Variants in SSRP1 observed in about 807,000 individuals in gnomAD.
The protein encoded by SSRP1 is FACT complex subunit SSRP1.
A neutral mutation model predicts 84.4 loss-of-function variants in SSRP1; 21 were observed. The observed-to-expected ratio is 0.25, with a 90% CI of 0.18 to 0.36. The LOEUF is 0.36. Among genes scored for constraint, SSRP1 ranks in the 10% least tolerant of loss-of-function variants. The pLI, the probability that SSRP1 is intolerant of heterozygous loss-of-function variation, is 1.00. For synonymous variants in SSRP1, 319 were observed against 318.3 expected (o/e 1.00, Z -0.02); for missense variants, 519 against 900.8 (o/e 0.58, Z 5.43).
rs1159982404 is a variant in SSRP1 at position 57,332,108 on chromosome 11, T to G, written c.1001+44A>C. The G allele has an allele frequency of 1.2e-6, 2 of 1,611,558 alleles. No homozygotes were observed. Among genetic ancestry groups the G allele is most frequent in the South Asian group, 2.2e-5 (2 of 90,924 alleles). ...AGGGTTTACCAAGGAGACACGGCAT[T>G]TCCCATACCCAGGCAGGGCAGGATC... On this transcript the variant is annotated intron_variant, in intron 8 of 16. Transcript: ENST00000278412. This position sits in a 1 kb window ranked among gnomAD's most constrained non-coding sequence, Gnocchi z 5.5.
chr11:57,330,507 T>C lies in SSRP1; in HGVS notation c.1297-78A>G. The C allele has an allele frequency of 1.9e-6, 3 of 1,580,594 alleles. No homozygotes were observed. The highest frequency in any genetic ancestry group is 2.6e-6 in the Non-Finnish European group (3 of 1,165,640). Reference sequence around the variant, plus strand: ...CTGCACACTCAAAAGCACACCCCCATGCCTGTCAAGTCAGAGCAGCAGCTC... The same window carrying C: ...CTGCACACTCAAAAGCACACCCCCACGCCTGTCAAGTCAGAGCAGCAGCTC... On this transcript the variant is annotated intron_variant, in intron 10 of 16. Transcript: ENST00000278412. The surrounding 1 kb of genome is among the most constrained non-coding windows in gnomAD (Gnocchi z 4.0).
rs150612000 is a variant in SSRP1, at chr11:57,326,790, G to A, written c.1971C>T (p.Ser657=). 1.9e-5 allele frequency: 30 copies of A among 1,614,110 alleles called. No homozygotes were observed. The highest frequency in any genetic ancestry group is 1.7e-4 in the Admixed American group (10 of 60,006). ...SSSKSSSRQL[S]ESFKSKEFVS... is the part of the protein sequence containing the mutation. ...CAAACTCTTTGCTCTTGAAGCTCTCGCTTAGCTGCCTTGAGGACGACTTGG... is the reference window on the plus strand; with the variant it reads ...CAAACTCTTTGCTCTTGAAGCTCTCACTTAGCTGCCTTGAGGACGACTTGG... Residue 657 remains serine (S), a synonymous_variant, in exon 16 of 17, where the codon AGC becomes AGT. Coordinates refer to ENST00000278412, the MANE Select transcript of SSRP1 (RefSeq NM_003146.3).
rs1856109784 is a variant in SSRP1 at position 57,332,347 on chromosome 11, G to C, written c.872+36C>G. ...TAATGGCACACCTGTCTCCTGCCTGGACAGTGGTAGGAAACGAGTCCAGGG... is the reference window on the plus strand; with the variant it reads ...TAATGGCACACCTGTCTCCTGCCTGCACAGTGGTAGGAAACGAGTCCAGGG... On this transcript the variant is annotated intron_variant, in intron 7 of 16. Transcript: ENST00000278412. This position sits in a 1 kb window ranked among gnomAD's most constrained non-coding sequence, Gnocchi z 5.5. The C allele has an allele frequency of 6.2e-7, 1 of 1,613,854 alleles. No homozygotes were observed.
intron 9 of SSRP1, among the ~76,000 whole-genome samples, chr11:57,331,290 T>A (rs1856085177): frequency 6.6e-6 from 1 of 152,108 alleles, no homozygotes; most frequent in Admixed American, 6.5e-5. Flanking sequence ...TTATAAAACG[T>A]TTAGTCCACA....
At position 57,330,639 on chromosome 11, in the gene SSRP1, C is replaced by G; in HGVS notation, c.1297-210G>C. 1.4e-6 allele frequency: 2 copies of G among 1,441,638 alleles called. No individual in the cohort carries two copies. The highest frequency in any genetic ancestry group is 1.8e-6 in the Non-Finnish European group (2 of 1,102,906). The allele number at this position is 1,441,638 out of a possible 1,614,324, so 89.3% of individuals were successfully genotyped here. A position where few individuals can be genotyped will look rare whatever the true frequency, so the allele number is the denominator to read the frequency against. On this transcript the variant is annotated intron_variant, in intron 10 of 16. Transcript: ENST00000278412. The surrounding 1 kb of genome is among the most constrained non-coding windows in gnomAD (Gnocchi z 4.0). ...TCCAAGCCCCAAGCCCCTCCCTCTC[C>G]CAGCCCCACTGGGGGCTCCTGAGGG...
Position 57,330,155 on chromosome 11 carries a change from G to C in SSRP1, c.1436-17C>G, listed in dbSNP as rs755126552. 10 of 1,614,128 alleles carry C rather than the reference G, an allele frequency of 6.2e-6. No homozygotes were observed. Among genetic ancestry groups the C allele is most frequent in the African/African-American group, 1.3e-5 (1 of 75,030 alleles). ...ATGACTCATCTGAAAAAGGGCACAG[G>C]ATGCATCAGCTTCTGCCCCAATGGA... On this transcript the variant is annotated splice_polypyrimidine_tract_variant and intron_variant, in intron 11 of 16. Coordinates refer to ENST00000278412, the MANE Select transcript of SSRP1 (RefSeq NM_003146.3). This position sits in a 1 kb window ranked among gnomAD's most constrained non-coding sequence, Gnocchi z 4.0.
rs1293220339 is a variant in SSRP1, at chr11:57,335,170, G to A, written c.-49C>T. On this transcript the variant is annotated 5_prime_UTR_variant, in exon 2 of 17. Transcript: ENST00000278412. This position sits in a 1 kb window ranked among gnomAD's most constrained non-coding sequence, Gnocchi z 4.6. ...TGGGCAGAGCCCCAGGCTGCACAAG[G>A]GAAACCAAGTAAACTGGGAGCTGGG... 3 of 1,609,280 alleles carry A rather than the reference G, an allele frequency of 1.9e-6. No homozygotes were observed. Among genetic ancestry groups the A allele is most frequent in the Admixed American group, 1.7e-5 (1 of 59,982 alleles).
At chr11:57,327,298 AAGC>A in intron 15 of SSRP1, 125 bp downstream of exon 15, 1 of 970,908 alleles carries the variant, frequency 1.0e-6, no homozygotes, top group Non-Finnish European at 1.6e-6. Flanking sequence ...CAGGTTTGAG[AAGC>A]ACTACCCTAC....
chr11:57,330,004 G>A lies in SSRP1; in HGVS notation c.1481+89C>T, dbSNP rs942278566. 19 of 1,520,030 alleles carry A rather than the reference G, an allele frequency of 1.2e-5. No individual in the cohort carries two copies. Among genetic ancestry groups the A allele is most frequent in the Non-Finnish European group, 1.7e-5 (19 of 1,094,806 alleles). 94.2% of individuals were successfully genotyped at this position (1,520,030 alleles called of 1,614,324 possible). On this transcript the variant is annotated intron_variant, in intron 12 of 16. Coordinates refer to ENST00000278412, the MANE Select transcript of SSRP1 (RefSeq NM_003146.3). This position sits in a 1 kb window ranked among gnomAD's most constrained non-coding sequence, Gnocchi z 4.0. ...CTCCCATTCTGGGTCAGTAGCTAAT[G>A]CTGGGACCTGAGAAATGTCCAGAAA...
intron 12 of SSRP1, 94 bp from the exon 13 acceptor site, chr11:57,328,520 CAAAAGGGGCAAGGG>C: frequency 6.5e-7 from 1 of 1,530,826 alleles, no homozygotes. Flanking sequence ...GATACCCACC[CAAAAGGGGCAAGGG>C]AGGAAGACCA....
rs757540521 is a variant in SSRP1 at position 57,326,447 on chromosome 11, G to A, written c.2090C>T (p.Pro697Leu). Residue 697 changes from proline (P) to leucine (L), a missense_variant, in exon 17 of 17, where the codon CCC becomes CTC. Physicochemically the swap from Pro to Leu is moderately conservative, Grantham distance 98. Transcript: ENST00000278412. ...DSEEEELASTPPSSEDSASGS... is the reference protein window; with the variant it reads ...DSEEEELASTLPSSEDSASGS... ...TGACGCTGAGTCCTCTGAGCTGGGG[G>A]GAGTACTGGCTAGTTCTTCTTCTTC... The A allele has an allele frequency of 1.9e-6, 3 of 1,614,022 alleles. No individual in the cohort carries two copies. Among genetic ancestry groups the A allele is most frequent in the Admixed American group, 1.7e-5 (1 of 60,006 alleles).
Position 57,330,574 on chromosome 11 carries a change from G to A in SSRP1, c.1297-145C>T. ...TGGATTGTCCACACACAGCCAACGT[G>A]CAGGGCCTATGCCCAAGTACTTCCT... On this transcript the variant is annotated intron_variant, in intron 10 of 16. Transcript: ENST00000278412. The surrounding 1 kb of genome is among the most constrained non-coding windows in gnomAD (Gnocchi z 4.0). The A allele has an allele frequency of 6.9e-7, 1 of 1,442,626 alleles. No homozygotes were observed. Among genetic ancestry groups the A allele is most frequent in the East Asian group, 2.5e-5 (1 of 40,740 alleles). The allele number at this position is 1,442,626 out of a possible 1,614,324, so 89.4% of individuals were successfully genotyped here.
chr11:57,334,388 G>A (rs530339046), intron 3 of SSRP1, 75 bp downstream of exon 3: 1 of 1,541,956 alleles, frequency 6.5e-7, no homozygotes, highest in South Asian at 1.2e-5. Flanking sequence ...ACATGAGGAA[G>A]GAACCTCGAG....
In SSRP1 at chr11:57,332,101, A is replaced by T. The variant is rs2134390506; in HGVS notation, c.1001+51T>A. ...CTCAGGAAGGGTTTACCAAGGAGAC[A>T]CGGCATTTCCCATACCCAGGCAGGG... On this transcript the variant is annotated intron_variant, in intron 8 of 16. Transcript: ENST00000278412. The surrounding 1 kb of genome is among the most constrained non-coding windows in gnomAD (Gnocchi z 5.5). 2 of 1,610,948 alleles carry T rather than the reference A, an allele frequency of 1.2e-6. No homozygotes were observed. Among genetic ancestry groups the T allele is most frequent in the Middle Eastern group, 2.1e-4 (1 of 4,788 alleles).
Position 57,327,361 on chromosome 11 carries a change from G to A in SSRP1, c.1871+65C>T, listed in dbSNP as rs546086353. The A allele has an allele frequency of 2.5e-4, 369 of 1,489,920 alleles. 1 individual carries two copies. Among genetic ancestry groups the A allele is most frequent in the Non-Finnish European group, 3.1e-4 (328 of 1,072,230 alleles). 92.3% of individuals were successfully genotyped at this position (1,489,920 alleles called of 1,614,324 possible). On this transcript the variant is annotated intron_variant, in intron 15 of 16. Coordinates refer to ENST00000278412, the MANE Select transcript of SSRP1 (RefSeq NM_003146.3). ...CTTTAACTTTCCAATGCTCAACTTC[G>A]GCCTGTTAAAAAAAAAAAAGTCTGC...
chr11:57,328,203 C>G, intron 13 of SSRP1, 94 bp downstream of exon 13: 1 of 1,534,362 alleles, frequency 6.5e-7, no homozygotes, highest in South Asian at 1.3e-5. Flanking sequence ...AAGAACAGGT[C>G]CTACTGGTGG....
At chr11:57,334,422 G>A (rs759587189) in intron 3 of SSRP1, 41 bp downstream of exon 3, 6 of 1,597,136 alleles carry the variant, frequency 3.8e-6, no homozygotes, top group Non-Finnish European at 4.3e-6. Flanking sequence ...AAAATAAGAA[G>A]ATGCAGTAAA....
Position 57,332,062 on chromosome 11 carries a change from G to T in SSRP1, c.1001+90C>A. 6.3e-7 allele frequency: 1 copy of T among 1,592,658 alleles called. No individual in the cohort carries two copies. The highest frequency in any genetic ancestry group is 1.1e-5 in the South Asian group (1 of 88,024). On this transcript the variant is annotated intron_variant, in intron 8 of 16. Transcript: ENST00000278412. The surrounding 1 kb of genome is among the most constrained non-coding windows in gnomAD (Gnocchi z 5.5). ...CAAGGTCCCATCCAGGCCTCTAGGA[G>T]GCCGCATTCCCATCTCAGGAAGGGT...
Position 57,330,895 on chromosome 11 carries a change from T to C in SSRP1, c.1256A>G (p.Asn419Ser), listed in dbSNP as rs772260998. The C allele has an allele frequency of 2.5e-6, 4 of 1,614,088 alleles. No homozygotes were observed. Among genetic ancestry groups the C allele is most frequent in the South Asian group, 1.1e-5 (1 of 91,086 alleles). ...EEYGKLFDFV[N>S]AKKLNIKNRG... is the part of the protein sequence containing the mutation. ...GTTTTTGATGTTGAGCTTTTTCGCG[T>C]TGACAAAATCAAACAGTTTCCCGTA... Residue 419 changes from asparagine to serine, a missense_variant, in exon 10 of 17, where the codon AAC becomes AGC. Asn to Ser is a conservative substitution (Grantham distance 46). This residue lies in a region of SSRP1 where 34 missense variants were observed against 34.3 expected (regional missense o/e 0.99). Transcript: ENST00000278412. This position sits in a 1 kb window ranked among gnomAD's most constrained non-coding sequence, Gnocchi z 4.0.
Sources: allele counts gnomAD v4.1 joint callset (sites outside exome capture counted in the v4.1 genomes callset), GRCh38; gene constraint gnomAD v4.1.1; regional missense constraint gnomAD v4.1.1; non-coding constraint Gnocchi (gnomAD v3.1); transcripts MANE v1.5; gene names NCBI Gene and HGNC (gene_info 2026-07-23, HGNC 2026-07-21).